SPAG16: variants seen among roughly 807,000 people sequenced by gnomAD.
The protein encoded by SPAG16 is sperm-associated antigen 16 protein.
SPAG16 carries 86 observed loss-of-function variants against 80.4 expected under a neutral mutation model. The observed-to-expected ratio is 1.07, with a 90% CI of 0.90 to 1.28. SPAG16 has a LOEUF of 1.28. Among genes scored for constraint, SPAG16 ranks in the 50% most tolerant of loss-of-function variants. The probability of loss-of-function intolerance (pLI) is 0.00; values close to 1 mark genes in which losing one functional copy is unlikely to be tolerated. For missense variants in SPAG16, 870 were observed against 765.3 expected (o/e 1.14, Z -1.61); for synonymous variants, 294 against 265.9 (o/e 1.11, Z -1.03).
At chr2:214,384,857 G>T (rs4673823) in intron 15 of SPAG16, among the ~76,000 whole-genome samples, 100,903 of 152,044 alleles carry the variant, frequency 0.66, 34,685 homozygotes, top group South Asian at 0.76. Context: ...TGAGTCACTC[G>T]TCTCCATGTC....
chr2:213,512,262 A>G (rs753647674), intron 10 of SPAG16, among the ~76,000 whole-genome samples: 10 of 152,172 alleles, frequency 6.6e-5, no homozygotes, highest in Non-Finnish European at 1.3e-4. Context: ...TGGAGTATAC[A>G]TTTACTGATT....
rs375949686 is a variant in SPAG16 at position 214,002,542 on chromosome 2, T to G, written c.1401-11409T>G. 2.8e-4 allele frequency among the ~76,000 whole-genome samples: 42 copies of G among 151,972 alleles called. No individual in the cohort carries two copies. The East Asian group carries it at 4.3e-3, about 15-fold the overall frequency. On this transcript the variant is annotated intron_variant, in intron 12 of 15. Transcript: ENST00000331683. ...AATAGGAGAAAGAGAGAGAGAGAGA[T>G]AGATGCAATTATGGAGGCAGGAAGT...
At chr2:213,970,787 G>A (rs2045003894) in intron 12 of SPAG16, among the ~76,000 whole-genome samples, 1 of 152,048 alleles carries the variant, frequency 6.6e-6, no homozygotes, top group Non-Finnish European at 1.5e-5. Flanking sequence ...TTATCATAAA[G>A]AGTGAATGCA....
intron 10 of SPAG16, among the ~76,000 whole-genome samples, chr2:213,705,577 A>G (rs748094468): frequency 2.0e-5 from 3 of 151,812 alleles, no homozygotes; most frequent in Non-Finnish European, 4.4e-5. Flanking sequence ...TTGGTTTGGA[A>G]ACTTGGTGCA....
chr2:213,811,129 A>C (rs114242347), intron 10 of SPAG16, among the ~76,000 whole-genome samples: 3 of 152,156 alleles, frequency 2.0e-5, no homozygotes, highest in Non-Finnish European at 4.4e-5. Flanking sequence ...TAAAATATAC[A>C]TTAATATTCA....
chr2:213,860,468 T>TAGATATATGTATATATATA lies in SPAG16; in HGVS notation c.1071-2017_1071-2016insAGATATATGTATATATATA, dbSNP rs1559529560. Reference sequence around the variant, plus strand: ...ATATATGTATATATATACAGATATATCTATCTATATATATATATACACACA... The same window carrying TAGATATATGTATATATATA: ...ATATATGTATATATATACAGATATATAGATATATGTATATATATACTATCTATATATATATATACACACA... On this transcript the variant is annotated intron_variant, in intron 10 of 15. Transcript: ENST00000331683. Among the ~76,000 whole-genome samples, 5 of 126,422 alleles carry TAGATATATGTATATATATA rather than the reference T, an allele frequency of 4.0e-5. No individual in the cohort carries two copies. The East Asian group carries it at 1.2e-3, about 30-fold the overall frequency. 82.9% of individuals were successfully genotyped at this position (126,422 alleles called of 152,430 possible). A position where few individuals can be genotyped will look rare whatever the true frequency, so the allele number is the denominator to read the frequency against.
intron 12 of SPAG16, among the ~76,000 whole-genome samples, chr2:213,968,494 C>CA (rs2044840425): frequency 6.6e-6 from 1 of 152,168 alleles, no homozygotes; most frequent in South Asian, 2.1e-4. Context: ...TGCCCGGCCT[C>CA]AACTACTTCT....
chr2:213,656,370 C>T (rs994828321), intron 10 of SPAG16, among the ~76,000 whole-genome samples: 29 of 152,276 alleles, frequency 1.9e-4, no homozygotes, highest in Admixed American at 2.6e-4. Context: ...CGGGGTTTCA[C>T]CGTGTTAGCC....
chr2:213,442,851 G>C (rs1366572242), intron 9 of SPAG16, among the ~76,000 whole-genome samples: 1 of 151,928 alleles, frequency 6.6e-6, no homozygotes, highest in Admixed American at 6.6e-5. Context: ...TGGATTTGGT[G>C]GATATAGCAC....
At chr2:213,709,135 G>A (rs1312031236) in intron 10 of SPAG16, among the ~76,000 whole-genome samples, 1 of 152,140 alleles carries the variant, frequency 6.6e-6, no homozygotes, top group African/African-American at 2.4e-5. Context: ...CATTGGCATT[G>A]AACAAAATTT....
chr2:213,293,845 A>G (rs2062394423), intron 1 of SPAG16, among the ~76,000 whole-genome samples: 1 of 152,216 alleles, frequency 6.6e-6, no homozygotes, highest in African/African-American at 2.4e-5. Context: ...ATTTTGATTT[A>G]CATATACATT....
At chr2:213,903,974 C>G (rs754767694) in intron 11 of SPAG16, among the ~76,000 whole-genome samples, 19 of 152,138 alleles carry the variant, frequency 1.2e-4, no homozygotes, top group African/African-American at 4.3e-4. Context: ...CACCTTTGTT[C>G]CAGTTCCCCA....
chr2:213,523,323 T>C (rs2075759381), intron 10 of SPAG16, among the ~76,000 whole-genome samples: 1 of 152,224 alleles, frequency 6.6e-6, no homozygotes, highest in Admixed American at 6.5e-5. Context: ...TCCTGAGGCC[T>C]TCCCAGCGAT....
chr2:214,062,094 T>C (rs979544268), intron 13 of SPAG16, among the ~76,000 whole-genome samples: 1 of 152,016 alleles, frequency 6.6e-6, no homozygotes, highest in South Asian at 2.1e-4. Flanking sequence ...TCTATTGTGA[T>C]CTTTAATAGA....
chr2:213,810,367 T>C (rs1451857373), intron 10 of SPAG16, among the ~76,000 whole-genome samples: 1 of 152,122 alleles, frequency 6.6e-6, no homozygotes, highest in Non-Finnish European at 1.5e-5. Context: ...TCTCCCAAAT[T>C]TTGGCAAGTT....
At chr2:213,959,854 A>G (rs2044327386) in intron 12 of SPAG16, among the ~76,000 whole-genome samples, 1 of 152,190 alleles carries the variant, frequency 6.6e-6, no homozygotes, top group Admixed American at 6.6e-5. Context: ...GGTCTTTTCT[A>G]GAAGAGTGGC....
intron 10 of SPAG16, among the ~76,000 whole-genome samples, chr2:213,556,859 T>C (rs867707000): frequency 3.3e-5 from 5 of 152,274 alleles, no homozygotes; most frequent in South Asian, 4.1e-4. Flanking sequence ...AAAATAAGTC[T>C]TAACACATGT....
At chr2:214,250,757 T>TATATAGAGAG (rs1475343777) in intron 15 of SPAG16, among the ~76,000 whole-genome samples, 15 of 91,282 alleles carry the variant, frequency 1.6e-4, no homozygotes, top group South Asian at 1.3e-3. Flanking sequence ...TATATATATA[T>TATATAGAGAG]AGAGAGAGAG....
intron 10 of SPAG16, among the ~76,000 whole-genome samples, chr2:213,765,611 G>GTC (rs2068897912): frequency 6.6e-6 from 1 of 152,028 alleles, no homozygotes; most frequent in Admixed American, 6.6e-5. Flanking sequence ...GTGTGTGTGT[G>GTC]TGTTATTTAC....
Sources: allele counts gnomAD v4.1 joint callset (sites outside exome capture counted in the v4.1 genomes callset), GRCh38; gene constraint gnomAD v4.1.1; transcripts MANE v1.5; gene names NCBI Gene and HGNC (gene_info 2026-07-23, HGNC 2026-07-21).